The following NTM variants were observed in gnomAD, a reference collection of about 807,000 sequenced individuals.
The protein encoded by NTM is neurotrimin.
In NTM, 13 loss-of-function variants were observed where a neutral mutation model predicts 42.1. The ratio of observed to expected loss-of-function variants is 0.31; its 90% CI spans 0.20 to 0.49. NTM has a LOEUF of 0.49. NTM is among the 20% of genes least tolerant of loss of function. NTM has a pLI of 0.99. For missense variants in NTM, 373 were observed against 452.8 expected (o/e 0.82, Z 1.60); for synonymous variants, 187 against 179.2 (o/e 1.04, Z -0.35).
chr11:132,208,094 C>G lies in NTM; in HGVS notation c.401-3928C>G, dbSNP rs376236939. Among the ~76,000 whole-genome samples the G allele has an allele frequency of 1.3e-4, 20 of 152,274 alleles. 1 individual carries two copies. The highest frequency in any genetic ancestry group is 4.6e-4 in the African/African-American group (19 of 41,550). On this transcript the variant is annotated intron_variant, in intron 3 of 8. Transcript: ENST00000683400. ...TAAGCAAAACAATCCTAGTATGTTT[C>G]TAACAGTCTGAGTGATGAGAAGTCA...
At chr11:132,182,333 G>A (rs1433302884) in intron 3 of NTM, among the ~76,000 whole-genome samples, 1 of 152,094 alleles carries the variant, frequency 6.6e-6, no homozygotes, top group African/African-American at 2.4e-5. Flanking sequence ...AAACAGTGAT[G>A]TACTAGCTAA....
In NTM at chr11:131,683,575, C is replaced by A. The variant is rs542579930; in HGVS notation, c.83-227989C>A. On this transcript the variant is annotated intron_variant, in intron 1 of 8. Coordinates refer to ENST00000683400, the MANE Select transcript of NTM (RefSeq NM_001352005.2). ...GTGGGTTTGTAGTTGCAGAAATAGA[C>A]CCTGGATGTGTCCGAGGTTCACTCT... 2.6e-5 allele frequency among the ~76,000 whole-genome samples: 4 copies of A among 152,210 alleles called. No homozygotes were observed. In the East Asian group the frequency reaches 5.8e-4, roughly 22 times the overall value.
intron 1 of NTM, among the ~76,000 whole-genome samples, chr11:131,731,284 T>G (rs2658872): frequency 0.22 from 33,996 of 152,044 alleles, 4,403 homozygotes; most frequent in African/African-American, 0.35. Context: ...TGTTCACCTG[T>G]TTTCTTTAGA....
intron 1 of NTM, among the ~76,000 whole-genome samples, chr11:131,472,107 C>T (rs989227430): frequency 2.6e-5 from 4 of 152,108 alleles, no homozygotes; most frequent in Non-Finnish European, 5.9e-5. Flanking sequence ...ATAAGCTGGC[C>T]CCCTCAGAGG....
chr11:131,849,966 TATAATAATA>T (rs10605011), intron 1 of NTM, among the ~76,000 whole-genome samples: 2,299 of 146,770 alleles, frequency 0.016, 66 homozygotes, highest in African/African-American at 0.055. Context: ...AAACTTAAAG[TATAATAATA>T]ATAATAATAA....
At position 131,773,791 on chromosome 11, in the gene NTM, T is replaced by C. The variant is rs181956084; in HGVS notation, c.83-137773T>C. Among the ~76,000 whole-genome samples, 10 of 152,346 alleles carry C rather than the reference T, an allele frequency of 6.6e-5. No individual in the cohort carries two copies. The East Asian group carries it at 1.9e-3, about 29-fold the overall frequency. ...AATGTCTTTATCCAGGAGTGGTTAG[T>C]AACCTGACTGTGTTCCAACTTCATT... On this transcript the variant is annotated intron_variant, in intron 1 of 8. Coordinates refer to ENST00000683400, the MANE Select transcript of NTM (RefSeq NM_001352005.2).
At chr11:131,496,225 G>T (rs2136326674) in intron 1 of NTM, among the ~76,000 whole-genome samples, 1 of 152,326 alleles carries the variant, frequency 6.6e-6, no homozygotes, top group East Asian at 1.9e-4. Flanking sequence ...AGAAGTCATA[G>T]CTGAGAATAA....
chr11:132,317,560 A>C (rs2095462918), intron 7 of NTM: 1 of 594,980 alleles, frequency 1.7e-6, no homozygotes, highest in Non-Finnish European at 2.7e-6. Context: ...TGTGAAAGGC[A>C]GTATACAAAC....
At position 132,336,493 on chromosome 11, in the gene NTM, G is replaced by A. The variant is rs957590166; in HGVS notation, c.*1347G>A. ...CGCTTTCTCCATTCTGCCCTGTGGC[G>A]TTAACAGACAGCAAGCAGCTGAACA... On this transcript the variant is annotated 3_prime_UTR_variant, in exon 9 of 9. Transcript: ENST00000683400. The A allele has an allele frequency of 6.6e-6, 1 of 152,518 alleles. No individual in the cohort carries two copies. The highest frequency in any genetic ancestry group is 2.4e-5 in the African/African-American group (1 of 41,430). The allele number at this position is 152,518 out of a possible 1,614,324, so 9.4% of individuals were successfully genotyped here.
At chr11:131,431,454 A>C (rs144957272) in intron 1 of NTM, among the ~76,000 whole-genome samples, 10 of 152,272 alleles carry the variant, frequency 6.6e-5, no homozygotes, top group Middle Eastern at 3.4e-3. Flanking sequence ...AAATGCCAGA[A>C]TCTCTAGGCA....
intron 1 of NTM, among the ~76,000 whole-genome samples, chr11:131,753,050 A>G (rs990723763): frequency 4.5e-5 from 2 of 44,892 alleles, no homozygotes; most frequent in Non-Finnish European, 9.0e-5. Flanking sequence ...ACAAGAAAAA[A>G]ACAAACAACC....
intron 1 of NTM, among the ~76,000 whole-genome samples, chr11:131,429,446 A>G (rs751726513): frequency 7.2e-5 from 11 of 152,204 alleles, no homozygotes; most frequent in Non-Finnish European, 1.0e-4. Flanking sequence ...TTTCACAGTC[A>G]TTTAGGAACC....
At chr11:131,502,982 G>A (rs2047023595) in intron 1 of NTM, 1 of 152,344 alleles carries the variant, frequency 6.6e-6, no homozygotes, top group South Asian at 2.1e-4. Context: ...GGAGACAAGG[G>A]AAGATGAGGA....
chr11:132,191,118 T>C (rs981768179), intron 3 of NTM, among the ~76,000 whole-genome samples: 1 of 152,100 alleles, frequency 6.6e-6, no homozygotes, highest in African/African-American at 2.4e-5. Flanking sequence ...CTAAAAAGCA[T>C]TGTTGCAGCC....
chr11:131,644,523 C>G (rs1485076759), intron 1 of NTM, among the ~76,000 whole-genome samples: 2 of 152,204 alleles, frequency 1.3e-5, no homozygotes, highest in Non-Finnish European at 2.9e-5. Context: ...TGCTGAGGGA[C>G]TGCCCAAATT....
intron 2 of NTM, among the ~76,000 whole-genome samples, chr11:132,065,799 T>C (rs1244243468): frequency 2.6e-5 from 4 of 152,190 alleles, no homozygotes; most frequent in Admixed American, 6.5e-5. Context: ...ATCGTAACAA[T>C]TGGGTGAAGC....
At chr11:131,694,502 A>G (rs2075185864) in intron 1 of NTM, among the ~76,000 whole-genome samples, 1 of 152,110 alleles carries the variant, frequency 6.6e-6, no homozygotes, top group Non-Finnish European at 1.5e-5. Flanking sequence ...GAGTAGGGGG[A>G]GTTGCCGGAG....
At chr11:131,857,449 C>T (rs150016854) in intron 1 of NTM, among the ~76,000 whole-genome samples, 17 of 152,280 alleles carry the variant, frequency 1.1e-4, no homozygotes, top group African/African-American at 3.4e-4. Flanking sequence ...CTCAATGAGT[C>T]CAGCTGGAAA....
At chr11:131,474,673 C>T (rs1234395135) in intron 1 of NTM, among the ~76,000 whole-genome samples, 3 of 152,152 alleles carry the variant, frequency 2.0e-5, no homozygotes, top group Admixed American at 6.5e-5. Flanking sequence ...CATCTCTTCC[C>T]GTGCTCCATT....
Sources: allele counts gnomAD v4.1 joint callset (sites outside exome capture counted in the v4.1 genomes callset), GRCh38; gene constraint gnomAD v4.1.1; transcripts MANE v1.5; gene names NCBI Gene and HGNC (gene_info 2026-07-23, HGNC 2026-07-21).